SRPK2: variants seen among roughly 807,000 people sequenced by gnomAD.
SRPK2 encodes the protein SFRS protein kinase 2.
SRPK2 carries 21 observed loss-of-function variants against 90.8 expected under a neutral mutation model. That is an observed-to-expected ratio of 0.23 (90% confidence interval 0.16 to 0.33). SRPK2 has a LOEUF of 0.33. Ranked by LOEUF, SRPK2 falls within the 10% of genes least tolerant of loss-of-function variation. The pLI is 1.00. For missense variants in SRPK2, 620 were observed against 869.0 expected, an observed-to-expected ratio of 0.71 and a Z score of 3.60; for synonymous variants, 288 against 311.1, an observed-to-expected ratio of 0.93 and a Z score of 0.78.
At chr7:105,375,371 T>C (rs928951334) in intron 2 of SRPK2, among the ~76,000 whole-genome samples, 2 of 152,160 alleles carry the variant, frequency 1.3e-5, no homozygotes, top group African/African-American at 4.8e-5. Flanking sequence ...AAGAGAGCCC[T>C]TGCATTTCCA....
At chr7:105,393,739 G>A (rs934433127), upstream of SRPK2, among the ~76,000 whole-genome samples, 4 of 151,916 alleles carry the variant, frequency 2.6e-5, no homozygotes, top group Admixed American at 1.3e-4. Context: ...TATTCACAGC[G>A]TTGTGCCAAC....
upstream of SRPK2, among the ~76,000 whole-genome samples, chr7:105,393,893 G>A (rs537686002): frequency 2.6e-5 from 4 of 151,748 alleles, no homozygotes; most frequent in Non-Finnish European, 4.4e-5. Flanking sequence ...AACTATGATC[G>A]CGCTGCTGCA....
intron 10 of SRPK2, 120 bp from the exon 11 acceptor site, chr7:105,142,610 A>G: frequency 5.2e-6 from 7 of 1,353,058 alleles, no homozygotes; most frequent in Non-Finnish European, 6.9e-6. Context: ...CCTGGTAAAC[A>G]CCTCTTGGCT....
At chr7:105,230,523 A>C (rs907133432) in intron 2 of SRPK2, among the ~76,000 whole-genome samples, 5 of 152,196 alleles carry the variant, frequency 3.3e-5, no homozygotes, top group Non-Finnish European at 5.9e-5. Context: ...ATGATGAAGA[A>C]AGAAAGACAG....
chr7:105,289,100 C>CAAAAAAAAAAAAAAAAAAAAAAAA (rs57131530), intron 2 of SRPK2, among the ~76,000 whole-genome samples: 2 of 86,656 alleles, frequency 2.3e-5, no homozygotes, highest in Non-Finnish European at 4.3e-5. Context: ...ACTTAAAGCA[C>CAAAAAAAAAAAAAAAAAAAAAAAA]AAAAAAAAAA....
At chr7:105,260,610 A>G (rs1241359547) in intron 2 of SRPK2, among the ~76,000 whole-genome samples, 1 of 152,248 alleles carries the variant, frequency 6.6e-6, no homozygotes, top group African/African-American at 2.4e-5. Context: ...ACTATTCACA[A>G]TAGCAAAGAC....
chr7:105,269,182 TACAA>T (rs1805499654), intron 2 of SRPK2: 8 of 739,662 alleles, frequency 1.1e-5, no homozygotes, highest in Non-Finnish European at 1.3e-5. Context: ...CAAAATAAAA[TACAA>T]ACAAGAAATC....
intron 7 of SRPK2, among the ~76,000 whole-genome samples, chr7:105,154,264 C>T (rs559945834): frequency 6.6e-6 from 1 of 152,348 alleles, no homozygotes; most frequent in Non-Finnish European, 1.5e-5. Flanking sequence ...AGCTTAGTCC[C>T]TTGAAACAGA....
chr7:105,210,114 C>T (rs1796676196), intron 2 of SRPK2, among the ~76,000 whole-genome samples: 1 of 152,192 alleles, frequency 6.6e-6, no homozygotes, highest in Non-Finnish European at 1.5e-5. Flanking sequence ...CTCTCAGCTG[C>T]TACTGCGTAT....
At chr7:105,370,372 C>T (rs1222723278) in intron 2 of SRPK2, among the ~76,000 whole-genome samples, 1 of 152,082 alleles carries the variant, frequency 6.6e-6, no homozygotes, top group Non-Finnish European at 1.5e-5. Context: ...GATACAGGTA[C>T]CCACACTATA....
chr7:105,341,357 CAAAAA>C (rs746893526), intron 2 of SRPK2, among the ~76,000 whole-genome samples: 1 of 66,774 alleles, frequency 1.5e-5, no homozygotes, highest in Admixed American at 1.6e-4. Flanking sequence ...GACTCCGTCT[CAAAAA>C]AAAAAAAAAA....
chr7:105,271,479 T>C (rs1193176503), intron 2 of SRPK2, among the ~76,000 whole-genome samples: 1 of 152,218 alleles, frequency 6.6e-6, no homozygotes, highest in Non-Finnish European at 1.5e-5. Context: ...CTGTATCCTT[T>C]GAGGCCCACA....
In SRPK2 at chr7:105,170,961, AAGAAAGAGAAAGAAAG is replaced by A. The variant is rs1462334267; in HGVS notation, c.230-1712_230-1697del. 3.9e-3 allele frequency among the ~76,000 whole-genome samples: 175 copies of A among 45,300 alleles called. 15 individuals are homozygous for A. Among genetic ancestry groups the A allele is most frequent in the Admixed American group, 0.01 (55 of 5,392 alleles). The allele number at this position is 45,300 out of a possible 152,430, so 29.7% of individuals were successfully genotyped here. On this transcript the variant is annotated intron_variant, in intron 3 of 15. Coordinates refer to ENST00000393651, the MANE Select transcript of SRPK2 (RefSeq NM_182692.3). ...AAAGAAAGAAAGAAAGAAAGAAAGA[AAGAAAGAGAAAGAAAG>A]AGAAAGAAAGAAAGAAAGAGAAAGA...
rs181797592 is a variant in SRPK2, at chr7:105,314,402, T to C, written c.71+74246A>G. The stretch of plus-strand genomic sequence containing the variant: ...TGTTTCAAAACACATTTTTTATTTT[T>C]TCAAGACAGAGTCTTGCTCTGTCAC... On this transcript the variant is annotated intron_variant, in intron 2 of 15. Transcript: ENST00000393651. Among the ~76,000 whole-genome samples the C allele has an allele frequency of 4.1e-4, 63 of 152,222 alleles. No homozygotes were observed. The Middle Eastern group carries it at 0.01, about 25-fold the overall frequency.
At chr7:105,322,582 G>A (rs955191803) in intron 2 of SRPK2, among the ~76,000 whole-genome samples, 1 of 152,118 alleles carries the variant, frequency 6.6e-6, no homozygotes, top group Non-Finnish European at 1.5e-5. Context: ...GGGGGAGGGG[G>A]AAATAGGGAG....
At chr7:105,306,852 T>TC (rs1183406693) in intron 2 of SRPK2, among the ~76,000 whole-genome samples, 1 of 152,176 alleles carries the variant, frequency 6.6e-6, no homozygotes, top group African/African-American at 2.4e-5. Flanking sequence ...CATGGCTAAA[T>TC]ATGGGGGAAA....
At chr7:105,222,428 GCTTAAAA>G (rs1372736479) in intron 2 of SRPK2, among the ~76,000 whole-genome samples, 1 of 152,048 alleles carries the variant, frequency 6.6e-6, no homozygotes, top group African/African-American at 2.4e-5. Flanking sequence ...AAAATCAAAG[GCTTAAAA>G]CTTAAAATCT....
chr7:105,255,885 T>C (rs754410061), intron 2 of SRPK2, among the ~76,000 whole-genome samples: 12 of 150,828 alleles, frequency 8.0e-5, no homozygotes, highest in Non-Finnish European at 1.3e-4. Context: ...TGAGTCAAGA[T>C]TGCACTCCAG....
chr7:105,161,069 G>A (rs1035236013), intron 6 of SRPK2, among the ~76,000 whole-genome samples: 1 of 152,026 alleles, frequency 6.6e-6, no homozygotes, highest in Non-Finnish European at 1.5e-5. Flanking sequence ...GAAACTACAG[G>A]TGCCCGCCAC....
Sources: allele counts gnomAD v4.1 joint callset (sites outside exome capture counted in the v4.1 genomes callset), GRCh38; gene constraint gnomAD v4.1.1; transcripts MANE v1.5; gene names NCBI Gene and HGNC (gene_info 2026-07-23, HGNC 2026-07-21).